Variants in ARHGAP6 observed in about 807,000 individuals in gnomAD.
ARHGAP6 encodes the protein Rho GTPase activating protein 6, also known as rho GTPase-activating protein 6.
Under a neutral mutation model 55.7 loss-of-function variants are expected in ARHGAP6, and 16 were observed. The observed-to-expected ratio is 0.29, with a 90% CI of 0.19 to 0.44. The LOEUF (loss-of-function observed/expected upper bound fraction) is 0.44. Ranked by LOEUF, ARHGAP6 falls within the 20% of genes least tolerant of loss-of-function variation. The pLI, the probability that ARHGAP6 is intolerant of heterozygous loss-of-function variation, is 1.00. For synonymous variants in ARHGAP6, 382 were observed against 360.9 expected (o/e 1.06, Z -0.66); for missense variants, 698 against 808.9 (o/e 0.86, Z 1.66).
At chrX:11,556,527 C>T (rs1308803114) in intron 1 of ARHGAP6, among the ~76,000 whole-genome samples, 7 of 112,126 alleles carry the variant, frequency 6.2e-5, no homozygotes, top group East Asian at 2.8e-4. Flanking sequence ...CATTCTTTGC[C>T]GATTACAGAG....
chrX:11,426,353 A>C (rs1471888431), intron 1 of ARHGAP6, among the ~76,000 whole-genome samples: 1 of 105,596 alleles, frequency 9.5e-6, no homozygotes, highest in African/African-American at 3.5e-5. Flanking sequence ...TTTCTTCAAA[A>C]AAACAATTTT....
intron 1 of ARHGAP6, among the ~76,000 whole-genome samples, chrX:11,460,543 C>G (rs1038357441): frequency 9.0e-6 from 1 of 111,527 alleles, no homozygotes; most frequent in Admixed American, 9.5e-5. Context: ...CTAGGTGGTA[C>G]TCTCTTATGC....
chrX:11,310,657 C>T (rs1026166066), intron 1 of ARHGAP6, among the ~76,000 whole-genome samples: 5 of 111,850 alleles, frequency 4.5e-5, no homozygotes, highest in Admixed American at 9.5e-5. Context: ...CAGGCTCTTC[C>T]GAGGTCACCA....
At chrX:11,263,837 A>T (rs999289890) in intron 1 of ARHGAP6, among the ~76,000 whole-genome samples, 28 of 111,792 alleles carry the variant, frequency 2.5e-4, no homozygotes, top group Admixed American at 5.7e-4. Context: ...CCCATGCCCC[A>T]TTTTCCTCAT....
chrX:11,601,216 G>A (rs768222672), intron 1 of ARHGAP6, among the ~76,000 whole-genome samples: 1 of 111,621 alleles, frequency 9.0e-6, no homozygotes, highest in South Asian at 3.8e-4. Context: ...GGGCTTAGGG[G>A]AGGGGTGTGG....
chrX:11,504,132 C>T (rs751342813), intron 1 of ARHGAP6, among the ~76,000 whole-genome samples: 1 of 111,335 alleles, frequency 9.0e-6, no homozygotes, highest in Admixed American at 9.6e-5. Flanking sequence ...AATATTCAAC[C>T]CTAATGATTA....
chrX:11,335,442 A>G (rs751440633), intron 1 of ARHGAP6, among the ~76,000 whole-genome samples: 2 of 109,682 alleles, frequency 1.8e-5, no homozygotes, highest in South Asian at 8.0e-4. Context: ...TCATTGTTAA[A>G]CTCCCACTTA....
At chrX:11,498,155 GTTCT>G (rs758038549) in intron 1 of ARHGAP6, among the ~76,000 whole-genome samples, 3 of 111,597 alleles carry the variant, frequency 2.7e-5, no homozygotes, top group South Asian at 7.4e-4. Context: ...ATAAGGGTAT[GTTCT>G]TTCTGATTTT....
chrX:11,318,778 T>G (rs1441872271), intron 1 of ARHGAP6: 1 of 113,481 alleles, frequency 8.8e-6, no homozygotes, highest in Non-Finnish European at 1.9e-5. Flanking sequence ...AGGATATTGT[T>G]GGCTTCAAAA....
intron 1 of ARHGAP6, among the ~76,000 whole-genome samples, chrX:11,551,960 C>T (rs778448103): frequency 9.0e-6 from 1 of 111,723 alleles, no homozygotes; most frequent in African/African-American, 3.3e-5. Context: ...GTTTGTGCTG[C>T]TTCATTACAG....
chrX:11,306,189 A>G (rs2048236472), intron 1 of ARHGAP6, among the ~76,000 whole-genome samples: 1 of 112,087 alleles, frequency 8.9e-6, no homozygotes, highest in African/African-American at 3.2e-5. Context: ...GCAGCCATCA[A>G]TGACCAACAC....
At chrX:11,380,121 C>A (rs185532564) in intron 1 of ARHGAP6, among the ~76,000 whole-genome samples, 41 of 111,339 alleles carry the variant, frequency 3.7e-4, no homozygotes, top group Non-Finnish European at 1.1e-4. Flanking sequence ...CCAGTAAATA[C>A]GAAACTCAAT....
intron 1 of ARHGAP6, among the ~76,000 whole-genome samples, chrX:11,357,925 AG>A (rs200016407): frequency 0.024 from 2,635 of 112,047 alleles, 76 homozygotes; most frequent in African/African-American, 0.076. Context: ...ACCACTTTAA[AG>A]TGTACAATCC....
chrX:11,561,163 G>T (rs986853276), intron 1 of ARHGAP6, among the ~76,000 whole-genome samples: 5 of 111,842 alleles, frequency 4.5e-5, no homozygotes, highest in African/African-American at 1.6e-4. Context: ...TTGATCCAAA[G>T]TAAAGGATCC....
At chrX:11,199,967 C>T (rs955459731) in intron 2 of ARHGAP6, among the ~76,000 whole-genome samples, 2 of 112,200 alleles carry the variant, frequency 1.8e-5, no homozygotes, top group Admixed American at 9.4e-5. Flanking sequence ...GTCTTGGAGT[C>T]CCCCATTTTT....
chrX:11,171,869 C>G (rs896693659), intron 8 of ARHGAP6, among the ~76,000 whole-genome samples: 6 of 111,704 alleles, frequency 5.4e-5, no homozygotes, highest in African/African-American at 2.0e-4. Context: ...TTGTGACAAC[C>G]AGAATTATCT....
intron 1 of ARHGAP6, among the ~76,000 whole-genome samples, chrX:11,419,190 T>A (rs761940656): frequency 8.9e-6 from 1 of 112,565 alleles, no homozygotes; most frequent in South Asian, 3.7e-4. Context: ...CGCTGGTCCC[T>A]CCCTGGTAAC....
At chrX:11,414,325 A>C (rs2049723125) in intron 1 of ARHGAP6, among the ~76,000 whole-genome samples, 1 of 112,093 alleles carries the variant, frequency 8.9e-6, no homozygotes, top group African/African-American at 3.2e-5. Flanking sequence ...TGAACACTAA[A>C]ATCTGTATTT....
intron 12 of ARHGAP6, 138 bp downstream of exon 12, chrX:11,142,095 T>A (rs999074252): frequency 2.8e-6 from 1 of 357,679 alleles, no homozygotes; most frequent in African/African-American, 2.6e-5. Context: ...GTGGAAAGCC[T>A]AAGGATAGTT....
Sources: gnomAD v4.1 joint callset for allele counts (sites outside exome capture counted in the v4.1 genomes callset) on GRCh38, gnomAD v4.1.1 for gene constraint, MANE v1.5 for transcripts, NCBI Gene and HGNC (gene_info 2026-07-23, HGNC 2026-07-21) for gene names.